The following RALY variants were observed in gnomAD, a reference collection of about 807,000 sequenced individuals.
The protein encoded by RALY is RNA-binding protein Raly.
RALY carries 15 observed loss-of-function variants against 30.7 expected under a neutral mutation model. That is an observed-to-expected ratio of 0.49 (90% CI 0.33 to 0.75). RALY has a LOEUF of 0.75. Among genes scored for constraint, RALY ranks in the 30% least tolerant of loss-of-function variants. The probability of loss-of-function intolerance (pLI) is 0.02; values close to 1 mark genes in which losing one functional copy is unlikely to be tolerated. For missense variants in RALY, 339 were observed against 414.3 expected (o/e 0.82, Z 1.58); for synonymous variants, 177 against 170.8 (o/e 1.04, Z -0.28).
chr20:34,075,280 G>A (rs1447528230), intron 5 of RALY, among the ~76,000 whole-genome samples: 5 of 152,238 alleles, frequency 3.3e-5, no homozygotes, highest in Admixed American at 1.3e-4. Flanking sequence ...TCATGGGTTC[G>A]TGAATTGAGG....
At chr20:34,020,986 G>C (rs2031797418) in intron 1 of RALY, among the ~76,000 whole-genome samples, 1 of 151,526 alleles carries the variant, frequency 6.6e-6, no homozygotes, top group African/African-American at 2.4e-5. Flanking sequence ...TTTTGAGACA[G>C]AGTCTCACTC....
Position 34,013,481 on chromosome 20 carries a change from G to A in RALY, c.-92-18041G>A, listed in dbSNP as rs561910215. Among the ~76,000 whole-genome samples, 269 of 151,596 alleles carry A rather than the reference G, an allele frequency of 1.8e-3. 2 individuals are homozygous for A. The highest frequency in any genetic ancestry group is 2.9e-3 in the Non-Finnish European group (195 of 67,960). ...TTTTCAGCTTACAAGGGGCTTATTG[G>A]GATGTAACCCTGTTGTAAATTGAGC... On this transcript the variant is annotated intron_variant, in intron 1 of 9. Coordinates refer to ENST00000246194, the MANE Select transcript of RALY (RefSeq NM_016732.3).
chr20:34,023,220 C>T (rs1452412719), intron 1 of RALY, among the ~76,000 whole-genome samples: 3 of 152,190 alleles, frequency 2.0e-5, no homozygotes, highest in African/African-American at 7.2e-5. Flanking sequence ...GATTTAATCA[C>T]CATTTTACAA....
At chr20:34,013,550 T>C (rs1427181688) in intron 1 of RALY, among the ~76,000 whole-genome samples, 3 of 152,116 alleles carry the variant, frequency 2.0e-5, no homozygotes, top group Non-Finnish European at 1.5e-5. Flanking sequence ...TATCTTCTTA[T>C]CCCCTTTACC....
intron 2 of RALY, among the ~76,000 whole-genome samples, chr20:34,033,013 A>T (rs150677616): frequency 7.0e-4 from 106 of 152,282 alleles, no homozygotes; most frequent in African/African-American, 2.4e-3. Context: ...GCAGAGGCCC[A>T]GGCTAAAAGT....
chr20:34,019,091 G>A (rs534592391), intron 1 of RALY, among the ~76,000 whole-genome samples: 2 of 152,310 alleles, frequency 1.3e-5, no homozygotes, highest in East Asian at 3.9e-4. Context: ...AGGAGGTCGA[G>A]GCGGGTGGAT....
intron 5 of RALY, among the ~76,000 whole-genome samples, chr20:34,075,020 G>A (rs1022133340): frequency 1.3e-5 from 2 of 152,162 alleles, no homozygotes; most frequent in African/African-American, 4.8e-5. Flanking sequence ...ATGTCAGAGA[G>A]ACCACTTCTC....
intron 1 of RALY, among the ~76,000 whole-genome samples, chr20:34,008,359 A>G (rs887464478): frequency 1.3e-5 from 2 of 152,174 alleles, no homozygotes; most frequent in African/African-American, 4.8e-5. Context: ...GAGAACATAT[A>G]TTTAGCGTTG....
chr20:34,049,777 A>G (rs2033014615), intron 2 of RALY, among the ~76,000 whole-genome samples: 2 of 152,240 alleles, frequency 1.3e-5, no homozygotes, highest in Non-Finnish European at 1.5e-5. Flanking sequence ...AGGCTTGTTC[A>G]TAGTTTCACA....
intron 2 of RALY, among the ~76,000 whole-genome samples, chr20:34,055,974 T>C (rs2033230347): frequency 6.6e-6 from 1 of 152,164 alleles, no homozygotes; most frequent in African/African-American, 2.4e-5. Flanking sequence ...GATGGGATGC[T>C]CTGCTCAGGG....
At chr20:34,063,951 C>G (rs1457398325) in intron 2 of RALY, among the ~76,000 whole-genome samples, 1 of 151,958 alleles carries the variant, frequency 6.6e-6, no homozygotes, top group Non-Finnish European at 1.5e-5. Flanking sequence ...TAGATGTCGC[C>G]TGCTGGATTG....
chr20:34,034,481 C>A (rs572860925), intron 2 of RALY, among the ~76,000 whole-genome samples: 2 of 152,266 alleles, frequency 1.3e-5, no homozygotes, highest in East Asian at 3.9e-4. Flanking sequence ...TATATGCTTC[C>A]TGTAACAACT....
intron 2 of RALY, among the ~76,000 whole-genome samples, chr20:34,062,884 A>G (rs981312226): frequency 6.6e-6 from 1 of 152,260 alleles, no homozygotes; most frequent in Non-Finnish European, 1.5e-5. Flanking sequence ...GCCATCCCCA[A>G]AGCTCACAGC....
rs552933627 is a variant in RALY, at chr20:34,042,200, C to G, written c.-10+10596C>G. 3.9e-5 allele frequency among the ~76,000 whole-genome samples: 6 copies of G among 152,266 alleles called. No individual in the cohort carries two copies. The South Asian group carries it at 1.2e-3, about 32-fold the overall frequency. On this transcript the variant is annotated intron_variant, in intron 2 of 9. Coordinates refer to ENST00000246194, the MANE Select transcript of RALY (RefSeq NM_016732.3). The stretch of plus-strand genomic sequence containing the variant: ...CAAGAGGCCTAGTAGCTCAGCCTCC[C>G]CACTACCCTTACCAAACAAAGACGA...
chr20:34,013,262 A>C (rs758746635), intron 1 of RALY, among the ~76,000 whole-genome samples: 68 of 151,968 alleles, frequency 4.5e-4, no homozygotes, highest in Non-Finnish European at 8.5e-4. Context: ...AAAAAAAAAA[A>C]CTAGCTCGCA....
chr20:34,072,646 G>A (rs543379994), intron 3 of RALY, among the ~76,000 whole-genome samples: 3 of 152,176 alleles, frequency 2.0e-5, no homozygotes, highest in Non-Finnish European at 4.4e-5. Context: ...GTTACACCGG[G>A]TACAGATGAC....
intron 7 of RALY, 75 bp from the exon 8 acceptor site, chr20:34,076,953 T>C: frequency 6.2e-7 from 1 of 1,606,560 alleles, no homozygotes. Flanking sequence ...GAGGCCAGCT[T>C]CCGCTAAGGT....
chr20:34,026,069 G>A (rs1262401188), intron 1 of RALY, among the ~76,000 whole-genome samples: 1 of 152,066 alleles, frequency 6.6e-6, no homozygotes, highest in Non-Finnish European at 1.5e-5. Flanking sequence ...GCTGGTAGAG[G>A]AGGAAGCTGT....
At chr20:34,074,953 A>G (rs924360596) in intron 5 of RALY, among the ~76,000 whole-genome samples, 2 of 152,170 alleles carry the variant, frequency 1.3e-5, no homozygotes, top group Non-Finnish European at 2.9e-5. Flanking sequence ...TGTCAGGAAA[A>G]TTGACCCAAA....
Sources: allele counts gnomAD v4.1 joint callset (sites outside exome capture counted in the v4.1 genomes callset), GRCh38; gene constraint gnomAD v4.1.1; transcripts MANE v1.5; gene names NCBI Gene and HGNC (gene_info 2026-07-23, HGNC 2026-07-21).